The following CDH4 variants were observed in gnomAD, a reference collection of about 807,000 sequenced individuals.
CDH4 encodes the protein cadherin-4.
A neutral mutation model predicts 86.0 loss-of-function variants in CDH4; 33 were observed. That is an observed-to-expected ratio of 0.38 (90% CI 0.29 to 0.51). CDH4 has a LOEUF of 0.51. CDH4 is among the 20% of genes least tolerant of loss of function. The pLI is 0.86. For missense variants in CDH4, 1,114 were observed against 1,307.4 expected (o/e 0.85, Z 2.28); for synonymous variants, 555 against 549.4 (o/e 1.01, Z -0.14).
At chr20:61,461,196 T>TA (rs1568853371) in intron 2 of CDH4, among the ~76,000 whole-genome samples, 18 of 151,716 alleles carry the variant, frequency 1.2e-4, no homozygotes, top group African/African-American at 3.6e-4. Context: ...CCATTTTTTT[T>TA]TAAAAAAAAT....
intron 2 of CDH4, among the ~76,000 whole-genome samples, chr20:61,406,655 C>T (rs557035728): frequency 6.8e-6 from 1 of 147,888 alleles, no homozygotes; most frequent in South Asian, 2.2e-4. Flanking sequence ...CCACCATCTG[C>T]TCTGCCCGGA....
intron 2 of CDH4, among the ~76,000 whole-genome samples, chr20:61,292,788 T>C (rs2084330323): frequency 6.6e-6 from 1 of 152,182 alleles, no homozygotes; most frequent in African/African-American, 2.4e-5. Flanking sequence ...CTGTTTTTGT[T>C]TTTGTTTTTG....
intron 2 of CDH4, among the ~76,000 whole-genome samples, chr20:61,654,583 A>G (rs1445284179): frequency 3.3e-5 from 5 of 152,212 alleles, no homozygotes. Flanking sequence ...GCTCTTTTGT[A>G]ATTTATTCCA....
At chr20:61,819,991 G>A (rs1315627296) in intron 4 of CDH4, among the ~76,000 whole-genome samples, 2 of 152,290 alleles carry the variant, frequency 1.3e-5, no homozygotes, top group East Asian at 1.9e-4. Context: ...GCCCAGGGGT[G>A]GCCACCTCCT....
intron 9 of CDH4, among the ~76,000 whole-genome samples, chr20:61,916,789 G>A (rs1012649252): frequency 2.6e-5 from 4 of 152,214 alleles, no homozygotes; most frequent in African/African-American, 9.7e-5. Context: ...TATTTTGTCA[G>A]GTACACACTG....
At chr20:61,564,002 C>T (rs898767579) in intron 2 of CDH4, among the ~76,000 whole-genome samples, 9 of 152,162 alleles carry the variant, frequency 5.9e-5, no homozygotes, top group Admixed American at 4.6e-4. Context: ...CCTCTCCTTC[C>T]CTCATTCACT....
Position 61,937,038 on chromosome 20 carries a change from G to C in CDH4, c.*95G>C. 1.8e-6 allele frequency: 2 copies of C among 1,119,780 alleles called. No homozygotes were observed. Among genetic ancestry groups the C allele is most frequent in the South Asian group, 3.5e-5 (2 of 57,934 alleles). The allele number at this position is 1,119,780 out of a possible 1,614,324, so 69.4% of individuals were successfully genotyped here. On this transcript the variant is annotated 3_prime_UTR_variant, in exon 16 of 16. Transcript: ENST00000614565. ...CGGCCGGTCTTCCCGACTCCCTGCG[G>C]CTGTGTCCTTAGTGCTGTTAGGAGG...
At chr20:61,826,200 G>C (rs537747957) in intron 4 of CDH4, among the ~76,000 whole-genome samples, 5 of 152,254 alleles carry the variant, frequency 3.3e-5, no homozygotes, top group African/African-American at 1.2e-4. Flanking sequence ...CAGAGTCCCT[G>C]TGAGGTCTCC....
chr20:61,360,263 C>A (rs957177744), intron 2 of CDH4, among the ~76,000 whole-genome samples: 4 of 152,162 alleles, frequency 2.6e-5, no homozygotes, highest in Non-Finnish European at 5.9e-5. Context: ...TGTTCCTTAC[C>A]CTTGAGGATC....
intron 2 of CDH4, among the ~76,000 whole-genome samples, chr20:61,324,645 G>T (rs1468931222): frequency 1.3e-5 from 2 of 152,210 alleles, no homozygotes; most frequent in Non-Finnish European, 2.9e-5. Flanking sequence ...CATCTAATTT[G>T]TACCCAATAA....
intron 4 of CDH4, among the ~76,000 whole-genome samples, chr20:61,827,357 A>G (rs545446467): frequency 5.0e-4 from 76 of 152,348 alleles, no homozygotes; most frequent in Middle Eastern, 6.8e-3. Context: ...AAAAATCATA[A>G]CTACTTTCAG....
chr20:61,513,471 A>T (rs2085795388), intron 2 of CDH4, among the ~76,000 whole-genome samples: 1 of 152,162 alleles, frequency 6.6e-6, no homozygotes, highest in African/African-American at 2.4e-5. Context: ...CATCCTTGCC[A>T]TCCTCTCCAG....
intron 2 of CDH4, among the ~76,000 whole-genome samples, chr20:61,434,065 CCACTCT>C (rs2085266342): frequency 6.6e-6 from 1 of 152,138 alleles, no homozygotes; most frequent in East Asian, 1.9e-4. Context: ...CTAGCATGTA[CCACTCT>C]CCACTGGCTT....
chr20:61,300,790 GT>G (rs2084382104), intron 2 of CDH4, among the ~76,000 whole-genome samples: 1 of 152,172 alleles, frequency 6.6e-6, no homozygotes, highest in Non-Finnish European at 1.5e-5. Context: ...ACAACTGTCT[GT>G]TTAGGTGGAA....
At chr20:61,388,113 A>G (rs2084962183) in intron 2 of CDH4, among the ~76,000 whole-genome samples, 1 of 152,206 alleles carries the variant, frequency 6.6e-6, no homozygotes. Context: ...TGAACTCCAC[A>G]GTTTACCATC....
At chr20:61,658,537 C>T (rs1273561127) in intron 2 of CDH4, among the ~76,000 whole-genome samples, 1 of 152,208 alleles carries the variant, frequency 6.6e-6, no homozygotes, top group African/African-American at 2.4e-5. Context: ...CTGCACAAAA[C>T]TCAGGAGGCC....
At chr20:61,548,526 A>G (rs755997761) in intron 2 of CDH4, among the ~76,000 whole-genome samples, 1 of 152,172 alleles carries the variant, frequency 6.6e-6, no homozygotes, top group Non-Finnish European at 1.5e-5. Context: ...GGAACTATCA[A>G]GCAGAATTCT....
intron 2 of CDH4, among the ~76,000 whole-genome samples, chr20:61,476,389 G>C (rs1325442054): frequency 6.6e-6 from 1 of 152,170 alleles, no homozygotes; most frequent in Non-Finnish European, 1.5e-5. Context: ...GTGTGTGCAC[G>C]TGTGTGTGTT....
intron 11 of CDH4, 34 bp from the exon 12 acceptor site, chr20:61,928,156 G>A (rs761814798): frequency 6.5e-6 from 10 of 1,541,412 alleles, no homozygotes; most frequent in Non-Finnish European, 6.2e-6. Flanking sequence ...AGTACCAGGA[G>A]TGGCCCGTGT....
Sources: gnomAD v4.1 joint callset for allele counts (sites outside exome capture counted in the v4.1 genomes callset) on GRCh38, gnomAD v4.1.1 for gene constraint, MANE v1.5 for transcripts, NCBI Gene and HGNC (gene_info 2026-07-23, HGNC 2026-07-21) for gene names.